Variants in PTPRC observed in about 807,000 individuals in gnomAD.
PTPRC encodes the protein receptor-type tyrosine-protein phosphatase C.
PTPRC carries 44 observed loss-of-function variants against 155.9 expected under a neutral mutation model. That is an observed-to-expected ratio of 0.28 (90% CI 0.22 to 0.36). The LOEUF is 0.36. Ranked by LOEUF, PTPRC falls within the 10% of genes least tolerant of loss-of-function variation. The pLI, the probability that PTPRC is intolerant of heterozygous loss-of-function variation, is 1.00. For missense variants in PTPRC, 1,401 were observed against 1,564.6 expected, an observed-to-expected ratio of 0.90 and a Z score of 1.76; for synonymous variants, 525 against 533.1, an observed-to-expected ratio of 0.98 and a Z score of 0.21.
In PTPRC at chr1:198,757,392, A is replaced by G. The variant is rs1045871319; in HGVS notation, c.*1211A>G. The G allele has an allele frequency of 1.3e-5, 2 of 151,532 alleles. No homozygotes were observed. The highest frequency in any genetic ancestry group is 4.8e-5 in the African/African-American group (2 of 41,338). 9.4% of individuals were successfully genotyped at this position (151,532 alleles called of 1,614,324 possible). On this transcript the variant is annotated 3_prime_UTR_variant, in exon 33 of 33. Transcript: ENST00000442510. ...CTTTTACAGGCCCCAATTATCCAATAGTCTAATAATTGTTTAAGATCTAGA... is the reference window on the plus strand; with the variant it reads ...CTTTTACAGGCCCCAATTATCCAATGGTCTAATAATTGTTTAAGATCTAGA...
rs113030439 is a variant in PTPRC at position 198,711,120 on chromosome 1, G to A, written c.1171+1296G>A. ...ATTACAGGCATGAGCCACCATGCCC[G>A]GCCCGTGATTCTAAGTTTTATGTAA... On this transcript the variant is annotated intron_variant, in intron 11 of 32. Transcript: ENST00000442510. Among the ~76,000 whole-genome samples the A allele has an allele frequency of 1.7e-3, 264 of 152,206 alleles. 1 individual carries two copies. The highest frequency in any genetic ancestry group is 5.6e-3 in the Admixed American group (85 of 15,294).
chr1:198,689,745 T>C (rs1665825597), intron 2 of PTPRC, among the ~76,000 whole-genome samples: 1 of 152,200 alleles, frequency 6.6e-6, no homozygotes, highest in Non-Finnish European at 1.5e-5. Context: ...TCACTTCTTA[T>C]ACACAAGACT....
intron 2 of PTPRC, among the ~76,000 whole-genome samples, chr1:198,674,981 A>G (rs1302416348): frequency 6.6e-6 from 1 of 152,040 alleles, no homozygotes; most frequent in Non-Finnish European, 1.5e-5. Context: ...CTCATGTTGC[A>G]TTTATTTCTT....
chr1:198,643,484 G>T (rs1662756760), intron 2 of PTPRC, among the ~76,000 whole-genome samples: 1 of 151,898 alleles, frequency 6.6e-6, no homozygotes, highest in Non-Finnish European at 1.5e-5. Context: ...ATTTTGTCCA[G>T]ATTAAATTAA....
At chr1:198,640,081 G>A (rs574221154) in intron 2 of PTPRC, among the ~76,000 whole-genome samples, 556 of 152,038 alleles carry the variant, frequency 3.7e-3, no homozygotes, top group Non-Finnish European at 5.8e-3. Flanking sequence ...GCTGTATTCA[G>A]TAGGAAAATG....
Position 198,722,455 on chromosome 1 carries a change from AT to A in PTPRC, c.1703del (p.Leu568TyrfsTer12). The A allele has an allele frequency of 6.8e-7, 1 of 1,470,690 alleles. No homozygotes were observed. The highest frequency in any genetic ancestry group is 9.1e-7 in the Non-Finnish European group (1 of 1,103,456). The allele number at this position is 1,470,690 out of a possible 1,614,324, so 91.1% of individuals were successfully genotyped here. ...TGGAGACTATCCTGGAGAACCCTTTATTTTACATCATTCAACATCTTGTAAG... is the reference window on the plus strand; with the variant it reads ...TGGAGACTATCCTGGAGAACCCTTTATTTACATCATTCAACATCTTGTAAG... ...HNGDYPGEPF[I>X]LHHSTSYNSK... On this transcript the variant is annotated frameshift_variant, in exon 15 of 33. Coordinates refer to ENST00000442510, the MANE Select transcript of PTPRC (RefSeq NM_002838.5). LOFTEE classifies it high-confidence loss of function.
intron 2 of PTPRC, among the ~76,000 whole-genome samples, chr1:198,656,883 A>C (rs1158174084): frequency 1.3e-5 from 2 of 151,876 alleles, no homozygotes; most frequent in Non-Finnish European, 2.9e-5. Context: ...TTAAGTAGGC[A>C]GACCTGTTGG....
At chr1:198,651,020 G>T in intron 2 of PTPRC, among the ~76,000 whole-genome samples, 1 of 151,840 alleles carries the variant, frequency 6.6e-6, no homozygotes, top group Admixed American at 6.6e-5. Context: ...TGTTACAAAA[G>T]TAATATTAAG....
intron 3 of PTPRC, among the ~76,000 whole-genome samples, chr1:198,696,388 G>A (rs749894570): frequency 1.1e-4 from 16 of 151,740 alleles, no homozygotes; most frequent in Non-Finnish European, 2.2e-4. Flanking sequence ...TTGGATAGGC[G>A]AGAAGCTGCT....
At chr1:198,731,235 G>A (rs1301395520) in intron 17 of PTPRC, among the ~76,000 whole-genome samples, 1 of 151,890 alleles carries the variant, frequency 6.6e-6, no homozygotes, top group Non-Finnish European at 1.5e-5. Context: ...TATTTCACAA[G>A]TTGAAAATGA....
intron 14 of PTPRC, among the ~76,000 whole-genome samples, chr1:198,722,192 AT>A (rs1653921539): frequency 6.6e-6 from 1 of 150,550 alleles, no homozygotes; most frequent in African/African-American, 2.4e-5. Flanking sequence ...AACTATAAAT[AT>A]TTTTATTGCT....
Position 198,692,953 on chromosome 1 carries a change from AG to A in PTPRC, c.100+581del. 3.3e-6 allele frequency: 3 copies of A among 916,736 alleles called. No homozygotes were observed. The South Asian group carries it at 1.5e-4, about 46-fold the overall frequency. 56.8% of individuals were successfully genotyped at this position (916,736 alleles called of 1,614,324 possible). ...AGATGCTGCAAATAAATTCATACAT[AG>A]TACATACAAAATAAGAGAAAAAATT... On this transcript the variant is annotated intron_variant, in intron 3 of 32. Transcript: ENST00000442510.
At chr1:198,724,719 C>G (rs751600401) in intron 15 of PTPRC, among the ~76,000 whole-genome samples, 1 of 150,680 alleles carries the variant, frequency 6.6e-6, no homozygotes, top group Admixed American at 6.6e-5. Context: ...TGGTCTGTTC[C>G]CAAGTTTTCC....
Position 198,757,062 on chromosome 1 carries a change from G to A in PTPRC, c.*881G>A, listed in dbSNP as rs1489217363. The A allele has an allele frequency of 6.6e-6, 1 of 151,670 alleles. No individual in the cohort carries two copies. Among genetic ancestry groups the A allele is most frequent in the Non-Finnish European group, 1.5e-5 (1 of 67,806 alleles). 9.4% of individuals were successfully genotyped at this position (151,670 alleles called of 1,614,324 possible). ...AAAATAGAAGAATACAAACATATTTGTTAAATATTTACATATGAAATTTAA... is the reference window on the plus strand; with the variant it reads ...AAAATAGAAGAATACAAACATATTTATTAAATATTTACATATGAAATTTAA... On this transcript the variant is annotated 3_prime_UTR_variant, in exon 33 of 33. Coordinates refer to ENST00000442510, the MANE Select transcript of PTPRC (RefSeq NM_002838.5).
rs151174660 is a variant in PTPRC, at chr1:198,663,843, A to G, written c.73+24502A>G. On this transcript the variant is annotated intron_variant, in intron 2 of 32. Transcript: ENST00000442510. ...AAACATTATTGAATATATGTTAGTA[A>G]TTATTATTTTCATTGTTATGCTATT... Among the ~76,000 whole-genome samples, 576 of 152,224 alleles carry G rather than the reference A, an allele frequency of 3.8e-3. 4 individuals carry two copies. The highest frequency in any genetic ancestry group is 0.013 in the African/African-American group (525 of 41,544).
chr1:198,679,195 C>T (rs1453665841), intron 2 of PTPRC: 1 of 203,730 alleles, frequency 4.9e-6, no homozygotes, highest in African/African-American at 2.3e-5. Flanking sequence ...AGCCTGGTAA[C>T]GCTTTCTGGC....
chr1:198,670,312 C>T (rs1048936325), intron 2 of PTPRC, among the ~76,000 whole-genome samples: 7 of 151,982 alleles, frequency 4.6e-5, no homozygotes, highest in Admixed American at 1.3e-4. Context: ...GTTATATGAC[C>T]TTATTATGTA....
chr1:198,731,887 C>T (rs1654404344), intron 18 of PTPRC, among the ~76,000 whole-genome samples, 161 bp downstream of exon 18: 1 of 151,912 alleles, frequency 6.6e-6, no homozygotes, highest in African/African-American at 2.4e-5. Context: ...AGAAGAGAGA[C>T]TCATAGAGGT....
intron 2 of PTPRC, among the ~76,000 whole-genome samples, chr1:198,642,732 T>G (rs1662666229): frequency 6.6e-6 from 1 of 151,924 alleles, no homozygotes; most frequent in East Asian, 1.9e-4. Context: ...TCTCATCCTT[T>G]TTTTAATGTA....
Sources: gnomAD v4.1 joint callset for allele counts (sites outside exome capture counted in the v4.1 genomes callset) on GRCh38, gnomAD v4.1.1 for gene constraint, MANE v1.5 for transcripts, NCBI Gene and HGNC (gene_info 2026-07-23, HGNC 2026-07-21) for gene names.